Variants in STK33 observed in about 807,000 individuals in gnomAD.
STK33 encodes serine/threonine-protein kinase 33.
Under a neutral mutation model 58.0 loss-of-function variants are expected in STK33, and 52 were observed. That is an observed-to-expected ratio of 0.90 (90% confidence interval 0.72 to 1.13). STK33 has a LOEUF of 1.13. Among genes scored for constraint, STK33 ranks in the 50% most tolerant of loss-of-function variants. STK33 has a pLI of 0.00. For missense variants in STK33, 630 were observed against 604.2 expected (o/e 1.04, Z -0.45); for synonymous variants, 215 against 200.1 (o/e 1.07, Z -0.63).
the STK33 span, among the ~76,000 whole-genome samples, chr11:8,360,221 G>A: frequency 6.6e-6 from 1 of 152,242 alleles, no homozygotes; most frequent in Non-Finnish European, 1.5e-5. Context: ...CTGTTCCCAG[G>A]TCTGCAGGTT....
Position 8,392,412 on chromosome 11 carries a change from A to G in STK33, c.*98T>C. On this transcript the variant is annotated 3_prime_UTR_variant, in exon 16 of 16. Transcript: ENST00000687296. ...GGGCTCTGTGGAGCTAAAAGGCTAC[A>G]AGCTCAGCATAGGGCTGTCTTCTTC... is the stretch of plus-strand genomic sequence containing the variant. 7.2e-7 allele frequency: 1 copy of G among 1,393,834 alleles called. No homozygotes were observed. Among genetic ancestry groups the G allele is most frequent in the Non-Finnish European group, 9.9e-7 (1 of 1,005,054 alleles). The allele number at this position is 1,393,834 out of a possible 1,614,324, so 86.3% of individuals were successfully genotyped here. A position where few individuals can be genotyped will look rare whatever the true frequency, so the allele number is the denominator to read the frequency against.
At chr11:8,427,521 T>C (rs1232290883) in intron 14 of STK33, among the ~76,000 whole-genome samples, 1 of 152,146 alleles carries the variant, frequency 6.6e-6, no homozygotes, top group East Asian at 1.9e-4. Flanking sequence ...TTTATCCCCA[T>C]TATTTCTTAA....
chr11:8,358,915 C>T, the STK33 span, among the ~76,000 whole-genome samples: 4 of 152,166 alleles, frequency 2.6e-5, no homozygotes, highest in Admixed American at 6.5e-5. Flanking sequence ...ACCTTCCTCA[C>T]GTGATCAAAG....
At chr11:8,369,564 C>T in the STK33 span, among the ~76,000 whole-genome samples, 2 of 151,754 alleles carry the variant, frequency 1.3e-5, no homozygotes, top group Non-Finnish European at 2.9e-5. Flanking sequence ...GAGGGTGGGG[C>T]AGCACCTAGC....
chr11:8,579,939 CG>C (rs770230756), intron 1 of STK33, among the ~76,000 whole-genome samples: 11 of 152,000 alleles, frequency 7.2e-5, no homozygotes, highest in Non-Finnish European at 1.6e-4. Flanking sequence ...CCAGTTTAAA[CG>C]GCTTTTATCC....
chr11:8,442,116 T>TC (rs1944837100), intron 11 of STK33, among the ~76,000 whole-genome samples: 1 of 152,016 alleles, frequency 6.6e-6, no homozygotes, highest in African/African-American at 2.4e-5. Context: ...TCCTTTTTCC[T>TC]CTGCCTAGTG....
the STK33 span, among the ~76,000 whole-genome samples, chr11:8,378,562 A>C: frequency 1.0e-3 from 153 of 152,260 alleles, no homozygotes; most frequent in African/African-American, 3.6e-3. Context: ...ATCAGATCTC[A>C]TGAGAACTCA....
the STK33 span, among the ~76,000 whole-genome samples, chr11:8,353,468 A>G: frequency 6.6e-6 from 1 of 152,098 alleles, no homozygotes; most frequent in Admixed American, 6.5e-5. Flanking sequence ...GCCCATCCAC[A>G]CAGCTCCGTT....
chr11:8,422,332 G>A (rs1209915277), intron 14 of STK33, among the ~76,000 whole-genome samples: 1 of 152,100 alleles, frequency 6.6e-6, no homozygotes, highest in East Asian at 1.9e-4. Context: ...TATATTATCT[G>A]TTAATATAAA....
In STK33 at chr11:8,456,684, G is replaced by T. The variant is rs1946899198; in HGVS notation, c.697+657C>A. Reference sequence around the variant, plus strand: ...AAAAACGGGGGGAGGAGCAGCAGCAGTAACACCTAAGAATAGTAAGGCAAT... The same window carrying T: ...AAAAACGGGGGGAGGAGCAGCAGCATTAACACCTAAGAATAGTAAGGCAAT... On this transcript the variant is annotated intron_variant, in intron 9 of 15. Transcript: ENST00000687296. Among the ~76,000 whole-genome samples, 4 of 152,308 alleles carry T rather than the reference G, an allele frequency of 2.6e-5. 1 individual carries two copies. The South Asian group carries it at 8.3e-4, about 32-fold the overall frequency.
At chr11:8,345,364 G>C in the STK33 span, among the ~76,000 whole-genome samples, 369 of 152,340 alleles carry the variant, frequency 2.4e-3, 1 homozygote, top group Non-Finnish European at 3.5e-3. Flanking sequence ...AATGTAACTA[G>C]AGCCTGGCAC....
intron 2 of STK33, among the ~76,000 whole-genome samples, chr11:8,478,660 A>AT (rs1949510355): frequency 1.3e-5 from 2 of 152,090 alleles, no homozygotes; most frequent in African/African-American, 4.8e-5. Context: ...TCCAAAAGCA[A>AT]TTTTTTTAGT....
intron 1 of STK33, among the ~76,000 whole-genome samples, chr11:8,487,010 C>G (rs1950235886): frequency 1.3e-5 from 2 of 152,072 alleles, no homozygotes; most frequent in South Asian, 2.1e-4. Context: ...ATAACCAGTT[C>G]AGTTTGGGAT....
At chr11:8,364,005 A>T in the STK33 span, among the ~76,000 whole-genome samples, 3 of 152,280 alleles carry the variant, frequency 2.0e-5, no homozygotes, top group East Asian at 5.8e-4. Context: ...CTGTGTTCTG[A>T]GTTTGGATCT....
At chr11:8,491,423 T>A (rs1950600409) in intron 1 of STK33, among the ~76,000 whole-genome samples, 2 of 152,110 alleles carry the variant, frequency 1.3e-5, no homozygotes, top group Admixed American at 1.3e-4. Flanking sequence ...GAACAAAGCC[T>A]CCAAGAAATA....
At chr11:8,396,769 C>T (rs1174415886) in intron 15 of STK33, among the ~76,000 whole-genome samples, 1 of 152,246 alleles carries the variant, frequency 6.6e-6, no homozygotes, top group Admixed American at 6.5e-5. Flanking sequence ...CACACTAATA[C>T]TGTGCTTTTC....
At chr11:8,521,917 C>T (rs183855410) in intron 1 of STK33, among the ~76,000 whole-genome samples, 12 of 152,150 alleles carry the variant, frequency 7.9e-5, no homozygotes, top group Admixed American at 5.9e-4. Context: ...CAAACCAAAA[C>T]CACAATGAGA....
intron 1 of STK33, among the ~76,000 whole-genome samples, chr11:8,518,622 C>T (rs895659353): frequency 1.2e-4 from 19 of 152,040 alleles, no homozygotes; most frequent in African/African-American, 4.4e-4. Flanking sequence ...CACACATAGG[C>T]TCAAAATAAA....
the STK33 span, among the ~76,000 whole-genome samples, chr11:8,356,579 G>A: frequency 6.6e-6 from 1 of 152,124 alleles, no homozygotes; most frequent in Admixed American, 6.6e-5. Context: ...GGGCAGATTT[G>A]GAGCATGAGG....
Sources: allele counts gnomAD v4.1 joint callset (sites outside exome capture counted in the v4.1 genomes callset), GRCh38; gene constraint gnomAD v4.1.1; transcripts MANE v1.5; gene names NCBI Gene and HGNC (gene_info 2026-07-23, HGNC 2026-07-21).